Variants in ADAMTSL3 observed in about 807,000 individuals in gnomAD.
The protein encoded by ADAMTSL3 is ADAMTS like 3.
ADAMTSL3 carries 128 observed loss-of-function variants against 201.7 expected under a neutral mutation model. That is an observed-to-expected ratio of 0.63 (90% CI 0.55 to 0.73). The LOEUF (loss-of-function observed/expected upper bound fraction) is 0.73. ADAMTSL3 is among the 30% of genes least tolerant of loss of function. ADAMTSL3 has a pLI of 0.00. For synonymous variants in ADAMTSL3, 738 were observed against 748.4 expected (o/e 0.99, Z 0.23); for missense variants, 1,990 against 2,119.6 (o/e 0.94, Z 1.20).
At chr15:83,801,088 A>G (rs903638735) in intron 4 of ADAMTSL3, among the ~76,000 whole-genome samples, 1 of 152,078 alleles carries the variant, frequency 6.6e-6, no homozygotes, top group Non-Finnish European at 1.5e-5. Flanking sequence ...TTAAAATTTG[A>G]CGTACTCTTA....
At chr15:83,937,121 A>T (rs1389672647) in intron 17 of ADAMTSL3, among the ~76,000 whole-genome samples, 3 of 150,960 alleles carry the variant, frequency 2.0e-5, no homozygotes, top group Non-Finnish European at 4.4e-5. Flanking sequence ...CAAAGAACTT[A>T]AAAAAATTAC....
intron 19 of ADAMTSL3, among the ~76,000 whole-genome samples, chr15:83,964,700 C>T (rs1392387024): frequency 2.0e-5 from 3 of 152,090 alleles, no homozygotes; most frequent in Non-Finnish European, 4.4e-5. Flanking sequence ...TCTAGAAGAA[C>T]AACCCCAAGA....
intron 3 of ADAMTSL3, among the ~76,000 whole-genome samples, chr15:83,760,719 C>T (rs534194467): frequency 2.0e-5 from 3 of 152,214 alleles, no homozygotes; most frequent in South Asian, 2.1e-4. Context: ...TGAAATCAAA[C>T]TTCCAACAGT....
rs2068489214 is a variant in ADAMTSL3 at position 84,035,546 on chromosome 15, G to C, written c.4755-1227G>C. ...ATATATCGTATGAACAGTTTGGTAG[G>C]ACAGCACTGTGTTAAGTAAACCCTT... On this transcript the variant is annotated intron_variant, in intron 28 of 29. Coordinates refer to ENST00000286744, the MANE Select transcript of ADAMTSL3 (RefSeq NM_207517.3). 2.6e-5 allele frequency among the ~76,000 whole-genome samples: 4 copies of C among 152,084 alleles called. No individual in the cohort carries two copies. In the South Asian group the frequency reaches 8.3e-4, roughly 32 times the overall value.
chr15:83,691,816 G>A (rs747217117), intron 2 of ADAMTSL3, among the ~76,000 whole-genome samples: 5 of 152,090 alleles, frequency 3.3e-5, no homozygotes, highest in South Asian at 4.1e-4. Flanking sequence ...GTTTCACCAC[G>A]TTGGTCATGC....
At position 83,913,246 on chromosome 15, in the gene ADAMTSL3, C is replaced by T; in HGVS notation, c.1855C>T (p.Pro619Ser). Residue 619 changes from proline to serine, a missense_variant, in exon 16 of 30, where the codon CCC becomes TCC. Coordinates refer to ENST00000286744, the MANE Select transcript of ADAMTSL3 (RefSeq NM_207517.3). The part of the protein sequence containing the change: ...CEGPKLPTER[P>S]CLLEACDESP... ...AGGCCCCAAGCTGCCCACCGAACGG[C>T]CCTGCCTCCTGGAAGCATGTGATGA... The T allele has an allele frequency of 6.2e-7, 1 of 1,614,166 alleles. No individual in the cohort carries two copies. Among genetic ancestry groups the T allele is most frequent in the East Asian group, 2.2e-5 (1 of 44,870 alleles).
At position 83,924,031 on chromosome 15, in the gene ADAMTSL3, C is replaced by G. The variant is rs112871476; in HGVS notation, c.2115C>G (p.Pro705=). 1.9e-6 allele frequency: 3 copies of G among 1,614,020 alleles called. No individual in the cohort carries two copies. Among genetic ancestry groups the G allele is most frequent in the Admixed American group, 1.7e-5 (1 of 60,000 alleles). Residue 705 remains proline, a splice_region_variant and synonymous_variant, in exon 17 of 30, where the codon CCC becomes CCG. Transcript: ENST00000286744. ...SQACNTEPCP[P]RWHVGSWGPC... ...CCTGTAACACAGAGCCCTGTCCCCC[C>G]AGGTATGTGCTGTCTTGTGTTCCTG...
At chr15:83,882,703 A>G (rs1238916880) in intron 9 of ADAMTSL3, among the ~76,000 whole-genome samples, 1 of 152,230 alleles carries the variant, frequency 6.6e-6, no homozygotes, top group Admixed American at 6.5e-5. Flanking sequence ...ATAGAATTCT[A>G]GATCCAATAT....
intron 3 of ADAMTSL3, among the ~76,000 whole-genome samples, chr15:83,749,486 A>T (rs973116308): frequency 2.0e-5 from 3 of 152,202 alleles, no homozygotes; most frequent in Non-Finnish European, 2.9e-5. Flanking sequence ...ATGAGCTGTG[A>T]TGGACAGAAC....
chr15:83,824,944 A>G (rs2063989519), intron 6 of ADAMTSL3: 1 of 152,200 alleles, frequency 6.6e-6, no homozygotes, highest in Non-Finnish European at 1.5e-5. Flanking sequence ...TTAGCATTGT[A>G]TCATAAAATT....
intron 2 of ADAMTSL3, among the ~76,000 whole-genome samples, chr15:83,686,295 C>T (rs542741112): frequency 1.1e-3 from 163 of 152,274 alleles, no homozygotes; most frequent in Non-Finnish European, 1.9e-3. Context: ...CTGTGGGCAG[C>T]GACTTGCTAT....
intron 4 of ADAMTSL3, among the ~76,000 whole-genome samples, chr15:83,778,125 G>A (rs553236725): frequency 6.6e-6 from 1 of 152,264 alleles, no homozygotes; most frequent in South Asian, 2.1e-4. Flanking sequence ...ATTATGTAAA[G>A]AGACCAAATC....
At chr15:83,773,935 T>C (rs896772416) in intron 4 of ADAMTSL3, among the ~76,000 whole-genome samples, 2 of 152,048 alleles carry the variant, frequency 1.3e-5, no homozygotes, top group African/African-American at 2.4e-5. Context: ...TTGTCAAGAG[T>C]TGGAGCAAGA....
Position 83,654,626 on chromosome 15 carries a change from G to T in ADAMTSL3, c.-34+350G>T, listed in dbSNP as rs1039615256. Among the ~76,000 whole-genome samples the T allele has an allele frequency of 6.6e-6, 1 of 152,154 alleles. No homozygotes were observed. The highest frequency in any genetic ancestry group is 1.5e-5 in the Non-Finnish European group (1 of 68,032). On this transcript the variant is annotated intron_variant, in intron 1 of 29. Coordinates refer to ENST00000286744, the MANE Select transcript of ADAMTSL3 (RefSeq NM_207517.3). The surrounding 1 kb of genome is among the most constrained non-coding windows in gnomAD (Gnocchi z 5.3). ...ACCTCGCGGGTCCGAAGGTCCGGCCGGTTGACCACTGGGTAGCGAGCGCCC... is the reference window on the plus strand; with the variant it reads ...ACCTCGCGGGTCCGAAGGTCCGGCCTGTTGACCACTGGGTAGCGAGCGCCC...
intron 17 of ADAMTSL3, among the ~76,000 whole-genome samples, chr15:83,940,563 C>G (rs888384563): frequency 6.6e-6 from 1 of 152,186 alleles, no homozygotes; most frequent in Non-Finnish European, 1.5e-5. Flanking sequence ...AATTACCTCT[C>G]AAAGGTCCCA....
chr15:83,827,032 A>G (rs1057202834), intron 6 of ADAMTSL3, among the ~76,000 whole-genome samples: 15 of 152,122 alleles, frequency 9.9e-5, no homozygotes, highest in Admixed American at 6.6e-5. Context: ...ACCCAGTAAT[A>G]GGATGGCTGG....
chr15:83,731,044 T>G (rs1474058818), intron 3 of ADAMTSL3, among the ~76,000 whole-genome samples: 1 of 152,100 alleles, frequency 6.6e-6, no homozygotes, highest in Non-Finnish European at 1.5e-5. Flanking sequence ...CTTTTCCCAT[T>G]GTATATTCTT....
intron 7 of ADAMTSL3, among the ~76,000 whole-genome samples, chr15:83,856,894 T>G (rs1256945870): frequency 6.6e-6 from 1 of 152,190 alleles, no homozygotes; most frequent in Non-Finnish European, 1.5e-5. Context: ...CATACTATTT[T>G]CCATGGTAGT....
At chr15:83,972,994 A>G (rs909116677) in intron 20 of ADAMTSL3, among the ~76,000 whole-genome samples, 1 of 152,058 alleles carries the variant, frequency 6.6e-6, no homozygotes, top group Non-Finnish European at 1.5e-5. Flanking sequence ...CATACCTTCA[A>G]AGGCACCATG....
Sources: gnomAD v4.1 joint callset for allele counts (sites outside exome capture counted in the v4.1 genomes callset) on GRCh38, gnomAD v4.1.1 for gene constraint, Gnocchi (gnomAD v3.1) non-coding constraint, MANE v1.5 for transcripts, NCBI Gene and HGNC (gene_info 2026-07-23, HGNC 2026-07-21) for gene names.